CACNA2D3: variants seen among roughly 807,000 people sequenced by gnomAD.
CACNA2D3 encodes the protein calcium voltage-gated channel auxiliary subunit alpha2delta 3.
A neutral mutation model predicts 160.6 loss-of-function variants in CACNA2D3; 60 were observed. That is an observed-to-expected ratio of 0.37 (90% confidence interval 0.30 to 0.46). The LOEUF (loss-of-function observed/expected upper bound fraction) is 0.46, where lower values mean the gene tolerates loss of function less well. Among genes scored for constraint, CACNA2D3 ranks in the 20% least tolerant of loss-of-function variants. The pLI is 1.00. For missense variants in CACNA2D3, 1,205 were observed against 1,365.0 expected, an observed-to-expected ratio of 0.88 and a Z score of 1.85; for synonymous variants, 558 against 492.9, an observed-to-expected ratio of 1.13 and a Z score of -1.75.
intron 31 of CACNA2D3, among the ~76,000 whole-genome samples, chr3:54,992,228 C>G (rs898082098): frequency 5.9e-5 from 9 of 152,186 alleles, no homozygotes; most frequent in African/African-American, 1.2e-4. Context: ...AGGTTAAAAG[C>G]ATGGTAGCAG....
At position 54,420,700 on chromosome 3, in the gene CACNA2D3, C is replaced by T. The variant is rs142544768; in HGVS notation, c.381+33926C>T. Among the ~76,000 whole-genome samples, 507 of 152,252 alleles carry T rather than the reference C, an allele frequency of 3.3e-3. 1 individual carries two copies. The highest frequency in any genetic ancestry group is 0.01 in the Middle Eastern group (3 of 294). Reference sequence around the variant, plus strand: ...CAGGGGAGGAGATGTACTATTATTGCCCCTACTTCATAAATGACCAAACTG... The same window carrying T: ...CAGGGGAGGAGATGTACTATTATTGTCCCTACTTCATAAATGACCAAACTG... On this transcript the variant is annotated intron_variant, in intron 4 of 37. Coordinates refer to ENST00000474759, the MANE Select transcript of CACNA2D3 (RefSeq NM_018398.3).
In CACNA2D3 at chr3:54,208,893, T is replaced by A. The variant is rs146373945; in HGVS notation, c.204+85299T>A. Among the ~76,000 whole-genome samples the A allele has an allele frequency of 7.1e-3, 1,083 of 152,250 alleles. 12 individuals are homozygous for A. Among genetic ancestry groups the A allele is most frequent in the African/African-American group, 0.024 (1,002 of 41,528 alleles). On this transcript the variant is annotated intron_variant, in intron 2 of 37. Transcript: ENST00000474759. ...GGTTTAATGGACTCATAGTTCCATG[T>A]GGCTGGGGAGGCCTCACAAACATGG...
At chr3:54,185,116 G>C (rs1018099470) in intron 2 of CACNA2D3, among the ~76,000 whole-genome samples, 26 of 152,196 alleles carry the variant, frequency 1.7e-4, no homozygotes, top group African/African-American at 6.3e-4. Flanking sequence ...TTGGTTAGAA[G>C]GTTGAAGTAA....
At chr3:54,160,040 TCTA>T (rs1700313909) in intron 2 of CACNA2D3, among the ~76,000 whole-genome samples, 2 of 152,246 alleles carry the variant, frequency 1.3e-5, no homozygotes, top group South Asian at 4.1e-4. Flanking sequence ...TGCTTGTTGA[TCTA>T]CTCTTCATAT....
chr3:54,501,370 A>G (rs1701290810), intron 4 of CACNA2D3, among the ~76,000 whole-genome samples: 1 of 151,082 alleles, frequency 6.6e-6, no homozygotes, highest in Non-Finnish European at 1.5e-5. Flanking sequence ...ATAACAAAAT[A>G]TTTTATGTAC....
Position 54,503,966 on chromosome 3 carries a change from C to G in CACNA2D3, c.544+312C>G, listed in dbSNP as rs187146132. On this transcript the variant is annotated intron_variant, in intron 5 of 37. Transcript: ENST00000474759. ...TTTGCCAGCCATAGAGTCTCTGTTGCAACTACTCACTTCTGCTGTTCAGGC... is the reference window on the plus strand; with the variant it reads ...TTTGCCAGCCATAGAGTCTCTGTTGGAACTACTCACTTCTGCTGTTCAGGC... 2.5e-3 allele frequency among the ~76,000 whole-genome samples: 382 copies of G among 152,284 alleles called. 3 individuals are homozygous for G. Among genetic ancestry groups the G allele is most frequent in the Non-Finnish European group, 3.9e-3 (268 of 68,014 alleles).
chr3:54,241,945 G>A (rs1701981557), intron 2 of CACNA2D3, among the ~76,000 whole-genome samples: 1 of 152,200 alleles, frequency 6.6e-6, no homozygotes, highest in South Asian at 2.1e-4. Flanking sequence ...TTCAGTGAGA[G>A]TTTGTATAGT....
chr3:54,769,482 C>T (rs574258558), intron 13 of CACNA2D3, among the ~76,000 whole-genome samples: 1 of 152,204 alleles, frequency 6.6e-6, no homozygotes, highest in African/African-American at 2.4e-5. Flanking sequence ...AGAACAGCAT[C>T]CCAGGTTTGA....
intron 17 of CACNA2D3, among the ~76,000 whole-genome samples, chr3:54,871,128 G>A (rs1699517089): frequency 2.8e-5 from 4 of 143,420 alleles, no homozygotes; most frequent in South Asian, 2.2e-4. Context: ...CTGCTAACTA[G>A]TCTGCTATGA....
At chr3:54,706,802 A>G (rs1479193482) in intron 11 of CACNA2D3, among the ~76,000 whole-genome samples, 1 of 152,188 alleles carries the variant, frequency 6.6e-6, no homozygotes, top group East Asian at 1.9e-4. Flanking sequence ...CTGTGCCAGA[A>G]TCCCATGCTT....
At chr3:54,579,701 T>C (rs1488998132) in intron 8 of CACNA2D3, among the ~76,000 whole-genome samples, 1 of 152,184 alleles carries the variant, frequency 6.6e-6, no homozygotes, top group Non-Finnish European at 1.5e-5. Flanking sequence ...CTGGCTGTTT[T>C]CTCAGCAACT....
intron 5 of CACNA2D3, among the ~76,000 whole-genome samples, chr3:54,526,925 A>C (rs577017697): frequency 1.3e-5 from 2 of 152,208 alleles, no homozygotes; most frequent in South Asian, 4.1e-4. Flanking sequence ...TGCTGATCTC[A>C]GGTGATCTGC....
At chr3:54,883,475 T>C (rs550417559) in intron 21 of CACNA2D3, among the ~76,000 whole-genome samples, 1 of 152,208 alleles carries the variant, frequency 6.6e-6, no homozygotes, top group Non-Finnish European at 1.5e-5. Context: ...TTAAATTTCC[T>C]TGGTGCCCTA....
intron 3 of CACNA2D3, among the ~76,000 whole-genome samples, chr3:54,323,498 G>A (rs2107510877): frequency 7.5e-6 from 1 of 133,944 alleles, no homozygotes; most frequent in African/African-American, 2.8e-5. Flanking sequence ...ACAGAGTCTT[G>A]CTCTGTTGCC....
chr3:54,821,634 G>GTCTT (rs1268858260), intron 14 of CACNA2D3, among the ~76,000 whole-genome samples: 42 of 140,382 alleles, frequency 3.0e-4, no homozygotes, highest in African/African-American at 6.1e-4. Context: ...TTTTTCTAGA[G>GTCTT]TCTTTCGTTC....
At chr3:54,335,272 C>A (rs888680993) in intron 3 of CACNA2D3, among the ~76,000 whole-genome samples, 5 of 152,066 alleles carry the variant, frequency 3.3e-5, no homozygotes, top group Admixed American at 2.6e-4. Flanking sequence ...CAGGGCGAGT[C>A]CATAAAGTAA....
intron 4 of CACNA2D3, among the ~76,000 whole-genome samples, chr3:54,486,277 G>A (rs1387468408): frequency 1.3e-5 from 2 of 152,174 alleles, no homozygotes; most frequent in South Asian, 2.1e-4. Context: ...ATTCCATCAA[G>A]CACTTCCATA....
intron 5 of CACNA2D3, among the ~76,000 whole-genome samples, chr3:54,559,032 CTCCTCCTCCTCT>C (rs1235624496): frequency 6.6e-6 from 1 of 152,066 alleles, no homozygotes; most frequent in African/African-American, 2.4e-5. Context: ...AAAGTTTCTC[CTCCTCCTCCTCT>C]TCCTCATCAT....
intron 27 of CACNA2D3, among the ~76,000 whole-genome samples, chr3:54,923,198 C>T (rs1700903808): frequency 6.6e-6 from 1 of 152,128 alleles, no homozygotes. Context: ...ACTTAAAGTC[C>T]AAGCATCTTG....
Sources: gnomAD v4.1 joint callset for allele counts (sites outside exome capture counted in the v4.1 genomes callset) on GRCh38, gnomAD v4.1.1 for gene constraint, MANE v1.5 for transcripts, NCBI Gene and HGNC (gene_info 2026-07-23, HGNC 2026-07-21) for gene names.